BMPR1B: variants seen among roughly 807,000 people sequenced by gnomAD.
BMPR1B encodes bone morphogenetic protein receptor type 1B.
BMPR1B carries 12 observed loss-of-function variants against 59.1 expected under a neutral mutation model. The observed-to-expected ratio is 0.20, with a 90% CI of 0.13 to 0.33. BMPR1B has a LOEUF of 0.33. Among genes scored for constraint, BMPR1B ranks in the 10% least tolerant of loss-of-function variants. BMPR1B has a pLI of 1.00. For synonymous variants in BMPR1B, 237 were observed against 207.3 expected (o/e 1.14, Z -1.23); for missense variants, 550 against 610.9 (o/e 0.90, Z 1.05).
In BMPR1B at chr4:95,124,215, G is replaced by T. The variant is rs76892268; in HGVS notation, c.446+309G>T. Among the ~76,000 whole-genome samples, 188 of 152,052 alleles carry T rather than the reference G, an allele frequency of 1.2e-3. 6 individuals carry two copies. In the East Asian group the frequency reaches 0.031, roughly 25 times the overall value. On this transcript the variant is annotated intron_variant, in intron 7 of 12. Transcript: ENST00000515059. ...AGGTTTGATTCCAAGCAGAGAAATG[G>T]CCATGTTGAACTTAAGAGTTGCTCA... is the stretch of plus-strand genomic sequence containing the variant.
chr4:94,780,855 A>AT (rs1722562403), intron 1 of BMPR1B, among the ~76,000 whole-genome samples: 1 of 151,450 alleles, frequency 6.6e-6, no homozygotes, highest in Admixed American at 6.6e-5. Context: ...TGTCCGGCTA[A>AT]TTTTTTGTAT....
rs1019937974 is a variant in BMPR1B at position 95,155,792 on chromosome 4, C to T, written c.*1119C>T. ...ATGATGTCTTTTTGTTATTGTCTGT[C>T]TGTTTTGTATGTGTCTGAGATAAGG... On this transcript the variant is annotated 3_prime_UTR_variant, in exon 13 of 13. Transcript: ENST00000515059. 1 of 151,948 alleles carries T rather than the reference C, an allele frequency of 6.6e-6. No homozygotes were observed. The highest frequency in any genetic ancestry group is 2.4e-5 in the African/African-American group (1 of 41,328). 9.4% of individuals were successfully genotyped at this position (151,948 alleles called of 1,614,324 possible).
intron 4 of BMPR1B, among the ~76,000 whole-genome samples, chr4:95,110,055 AC>A (rs1397020804): frequency 2.0e-5 from 3 of 151,816 alleles, no homozygotes; most frequent in Non-Finnish European, 1.5e-5. Context: ...AGAATTTTAG[AC>A]GGTCCCAGTT....
chr4:95,109,384 T>G (rs1022856304), intron 4 of BMPR1B, among the ~76,000 whole-genome samples: 3 of 152,068 alleles, frequency 2.0e-5, no homozygotes, highest in Non-Finnish European at 4.4e-5. Flanking sequence ...AAGGAAAAGC[T>G]TAGGGGCTGG....
chr4:95,156,776 T>A lies in BMPR1B; in HGVS notation c.*2103T>A, dbSNP rs949507438. ...CAATAATAATGTAAAGGTTCCTTTC[T>A]CTTGTGTCAGTTATATTCTTAGGGA... On this transcript the variant is annotated 3_prime_UTR_variant, in exon 13 of 13. Coordinates refer to ENST00000515059, the MANE Select transcript of BMPR1B (RefSeq NM_001203.3). 7 of 152,150 alleles carry A rather than the reference T, an allele frequency of 4.6e-5. No individual in the cohort carries two copies. Among genetic ancestry groups the A allele is most frequent in the African/African-American group, 1.4e-4 (6 of 41,448 alleles). The allele number at this position is 152,150 out of a possible 1,614,324, so 9.4% of individuals were successfully genotyped here.
intron 3 of BMPR1B, among the ~76,000 whole-genome samples, chr4:95,025,488 A>G (rs1252272421): frequency 1.3e-5 from 2 of 152,172 alleles, no homozygotes; most frequent in Admixed American, 6.5e-5. Context: ...ACATGAAGAC[A>G]AGGGGTTCAA....
chr4:94,978,723 A>G (rs914075799), intron 2 of BMPR1B, among the ~76,000 whole-genome samples: 13 of 152,300 alleles, frequency 8.5e-5, no homozygotes, highest in African/African-American at 2.4e-4. Context: ...AAGACAACAG[A>G]AGAAGAACAT....
chr4:95,014,708 G>A lies in BMPR1B; in HGVS notation c.-18+18574G>A, dbSNP rs137862910. Among the ~76,000 whole-genome samples the A allele has an allele frequency of 1.4e-4, 21 of 152,212 alleles. No individual in the cohort carries two copies. In the East Asian group the frequency reaches 3.7e-3, roughly 27 times the overall value. ...CTTCCTTTAATATCATCTTTTATACGTAAAGTGGATCCTTAGAAATTAAGT... is the reference window on the plus strand; with the variant it reads ...CTTCCTTTAATATCATCTTTTATACATAAAGTGGATCCTTAGAAATTAAGT... On this transcript the variant is annotated intron_variant, in intron 3 of 12. Coordinates refer to ENST00000515059, the MANE Select transcript of BMPR1B (RefSeq NM_001203.3).
chr4:95,139,153 G>T (rs1479223879), intron 10 of BMPR1B, among the ~76,000 whole-genome samples: 2 of 152,310 alleles, frequency 1.3e-5, no homozygotes, highest in African/African-American at 4.8e-5. Context: ...CTCAGCTGCA[G>T]GTCTGTTGGA....
chr4:95,026,575 G>C (rs1210922942), intron 3 of BMPR1B, among the ~76,000 whole-genome samples: 1 of 151,970 alleles, frequency 6.6e-6, no homozygotes, highest in Admixed American at 6.6e-5. Context: ...AGATAAAAAT[G>C]GTAATTATGA....
intron 10 of BMPR1B, among the ~76,000 whole-genome samples, chr4:95,138,575 G>C (rs1269251104): frequency 6.6e-6 from 1 of 152,084 alleles, no homozygotes; most frequent in Non-Finnish European, 1.5e-5. Context: ...TTCTCACATA[G>C]TCCCATATTT....
At chr4:95,060,922 A>G (rs1237280239) in intron 3 of BMPR1B, among the ~76,000 whole-genome samples, 2 of 152,114 alleles carry the variant, frequency 1.3e-5, no homozygotes, top group Admixed American at 1.3e-4. Context: ...TGAGTCCAGA[A>G]TTGAGTTTTC....
chr4:95,073,968 C>T lies in BMPR1B; in HGVS notation c.-17-30440C>T, dbSNP rs117118796. ...TCTCTCTTTCCTTGTTGTGAATTGT[C>T]GAGATAAACACTCTACAAATGAACA... On this transcript the variant is annotated intron_variant, in intron 3 of 12. Coordinates refer to ENST00000515059, the MANE Select transcript of BMPR1B (RefSeq NM_001203.3). Among the ~76,000 whole-genome samples the T allele has an allele frequency of 3.5e-4, 54 of 152,156 alleles. No homozygotes were observed. The East Asian group carries it at 9.9e-3, about 28-fold the overall frequency.
chr4:94,852,197 G>A (rs145562795), intron 1 of BMPR1B, among the ~76,000 whole-genome samples: 1 of 152,252 alleles, frequency 6.6e-6, no homozygotes, highest in African/African-American at 2.4e-5. Flanking sequence ...ACACTAGCAT[G>A]GCTCTCTTGG....
chr4:95,043,312 A>G (rs1273559733), intron 3 of BMPR1B, among the ~76,000 whole-genome samples: 2 of 152,164 alleles, frequency 1.3e-5, no homozygotes, highest in Non-Finnish European at 2.9e-5. Flanking sequence ...CAAATAATAA[A>G]CTAAAGATCC....
intron 1 of BMPR1B, among the ~76,000 whole-genome samples, chr4:94,774,394 C>T (rs1722292511): frequency 6.6e-6 from 1 of 151,814 alleles, no homozygotes; most frequent in Admixed American, 6.6e-5. Flanking sequence ...TGTTCTTGTC[C>T]ATAGTGAATG....
At chr4:95,048,765 G>A (rs989179839) in intron 3 of BMPR1B, among the ~76,000 whole-genome samples, 2 of 152,024 alleles carry the variant, frequency 1.3e-5, no homozygotes, top group African/African-American at 4.8e-5. Context: ...TGTACATTAG[G>A]GTGAGAGGGT....
rs371356569 is a variant in BMPR1B at position 94,795,566 on chromosome 4, C to T, written c.-183+37498C>T. Among the ~76,000 whole-genome samples the T allele has an allele frequency of 1.4e-4, 22 of 152,118 alleles. No homozygotes were observed. The South Asian group carries it at 1.9e-3, about 13-fold the overall frequency. On this transcript the variant is annotated intron_variant, in intron 1 of 12. Coordinates refer to ENST00000515059, the MANE Select transcript of BMPR1B (RefSeq NM_001203.3). Reference sequence around the variant, plus strand: ...TGCAACCTCTGCCTTCGGGTTCAAGCGATTCTCCTGCCTCAGCCTCCTGAG... The same window carrying T: ...TGCAACCTCTGCCTTCGGGTTCAAGTGATTCTCCTGCCTCAGCCTCCTGAG...
intron 8 of BMPR1B, among the ~76,000 whole-genome samples, chr4:95,128,891 G>A (rs961806235): frequency 1.1e-4 from 16 of 152,142 alleles, no homozygotes; most frequent in African/African-American, 2.6e-4. Context: ...CTCATTTATA[G>A]TGACTGTTTC....
Sources: gnomAD v4.1 joint callset for allele counts (sites outside exome capture counted in the v4.1 genomes callset) on GRCh38, gnomAD v4.1.1 for gene constraint, MANE v1.5 for transcripts, NCBI Gene and HGNC (gene_info 2026-07-23, HGNC 2026-07-21) for gene names.